The following KDM7A variants were observed in gnomAD, a reference collection of about 807,000 sequenced individuals.
KDM7A encodes the protein lysine demethylase 7A.
In KDM7A, 28 loss-of-function variants were observed where a neutral mutation model predicts 114.8. The observed-to-expected ratio is 0.24, with a 90% confidence interval of 0.18 to 0.33. KDM7A has a LOEUF of 0.33. KDM7A is among the 10% of genes least tolerant of loss of function. KDM7A has a pLI of 1.00. For missense variants in KDM7A, 942 were observed against 1,142.5 expected, an observed-to-expected ratio of 0.82 and a Z score of 2.53; for synonymous variants, 423 against 397.8, an observed-to-expected ratio of 1.06 and a Z score of -0.75.
chr7:140,125,858 C>CT (rs765696132), intron 6 of KDM7A, among the ~76,000 whole-genome samples: 1 of 152,008 alleles, frequency 6.6e-6, no homozygotes, highest in Non-Finnish European at 1.5e-5. Flanking sequence ...GCCTCAGCCT[C>CT]TTGAGTAGCT....
chr7:140,098,957 T>C lies in KDM7A; in HGVS notation c.1840A>G (p.Lys614Glu). ...SENEEDKRRT[K>E]KAKMKIEESS... is the part of the protein sequence containing the mutation. Reference sequence around the variant, plus strand: ...TCTTCTATCTTCATTTTTGCCTTTTTTGTCCTTCTTTTATCCTCTTCATTT... The same window carrying C: ...TCTTCTATCTTCATTTTTGCCTTTTCTGTCCTTCTTTTATCCTCTTCATTT... Residue 614 changes from lysine to glutamate, a missense_variant, in exon 14 of 20, where the codon AAA (lysine) becomes GAA (glutamate). Lys to Glu is a moderately conservative substitution (Grantham distance 56). Around this residue, in one of 4 missense-constraint regions of KDM7A, gnomAD observed 512 missense variants for 576.6 expected, o/e 0.89. Coordinates refer to ENST00000397560, the MANE Select transcript of KDM7A (RefSeq NM_030647.2). 1 of 1,613,828 alleles carries C rather than the reference T, an allele frequency of 6.2e-7. No homozygotes were observed. The highest frequency in any genetic ancestry group is 8.5e-7 in the Non-Finnish European group (1 of 1,179,772).
chr7:140,159,957 A>C (rs1173565395), intron 1 of KDM7A, among the ~76,000 whole-genome samples: 17 of 151,716 alleles, frequency 1.1e-4, no homozygotes, highest in East Asian at 5.8e-4. Flanking sequence ...AAAAAAAAAA[A>C]AAAAAAAACC....
chr7:140,110,790 G>A (rs948353286), intron 11 of KDM7A, among the ~76,000 whole-genome samples: 2 of 151,678 alleles, frequency 1.3e-5, no homozygotes. Context: ...TTCCTCTCTG[G>A]GTAGCTGAAA....
chr7:140,090,733 G>A lies in KDM7A; in HGVS notation c.*361C>T, dbSNP rs1358071345. 4 of 197,098 alleles carry A rather than the reference G, an allele frequency of 2.0e-5. No individual in the cohort carries two copies. The highest frequency in any genetic ancestry group is 4.1e-5 in the Non-Finnish European group (4 of 98,280). The allele number at this position is 197,098 out of a possible 1,614,324, so 12.2% of individuals were successfully genotyped here. A position where few individuals can be genotyped will look rare whatever the true frequency, so the allele number is the denominator to read the frequency against. On this transcript the variant is annotated 3_prime_UTR_variant, in exon 20 of 20. Coordinates refer to ENST00000397560, the MANE Select transcript of KDM7A (RefSeq NM_030647.2). Reference sequence around the variant, plus strand: ...GCTTTAAAAAAAGAATTTAAAAGCTGTTAACTTTAAAAAAAAATCTGTTAA... The same window carrying A: ...GCTTTAAAAAAAGAATTTAAAAGCTATTAACTTTAAAAAAAAATCTGTTAA...
chr7:140,160,897 A>C (rs1329772915), intron 1 of KDM7A, among the ~76,000 whole-genome samples: 2 of 152,296 alleles, frequency 1.3e-5, no homozygotes, highest in East Asian at 3.9e-4. Flanking sequence ...CCCTGAACCA[A>C]ACAGAAGGGA....
chr7:140,097,072 AAAGCTACAT>A (rs1193749277), intron 15 of KDM7A, 25 bp from the exon 16 acceptor site: 8 of 1,583,774 alleles, frequency 5.1e-6, no homozygotes, highest in Non-Finnish European at 6.9e-6. Context: ...ACATGGAAAC[AAAGCTACAT>A]AAGAAATTGA....
At chr7:140,106,606 T>A (rs540646123) in intron 11 of KDM7A, among the ~76,000 whole-genome samples, 50 of 152,308 alleles carry the variant, frequency 3.3e-4, no homozygotes, top group Non-Finnish European at 5.6e-4. Flanking sequence ...TTTGAGTGAG[T>A]TTCTTAATCC....
chr7:140,090,776 C>A lies in KDM7A; in HGVS notation c.*318G>T, dbSNP rs1048586686. 1 of 291,666 alleles carries A rather than the reference C, an allele frequency of 3.4e-6. No homozygotes were observed. Among genetic ancestry groups the A allele is most frequent in the Non-Finnish European group, 6.3e-6 (1 of 159,286 alleles). 18.1% of individuals were successfully genotyped at this position (291,666 alleles called of 1,614,324 possible). ...TCTGTTAAATAAATTATTGATAATT[C>A]TTTACCCTACCACTGAAAATACATC... On this transcript the variant is annotated 3_prime_UTR_variant, in exon 20 of 20. Transcript: ENST00000397560.
At chr7:140,111,212 A>T in intron 10 of KDM7A, 28 bp from the exon 11 acceptor site, 1 of 1,441,728 alleles carries the variant, frequency 6.9e-7, no homozygotes, top group Non-Finnish European at 9.6e-7. Flanking sequence ...AAAATAAGAA[A>T]ACCAAAGTTA....
chr7:140,127,641 C>A, intron 4 of KDM7A, 58 bp from the exon 5 acceptor site: 1 of 1,382,870 alleles, frequency 7.2e-7, no homozygotes, highest in South Asian at 1.2e-5. Flanking sequence ...AGCAGATGCT[C>A]TAATCAAAAA....
At chr7:140,165,828 A>C (rs1655309300) in intron 1 of KDM7A, among the ~76,000 whole-genome samples, 1 of 119,494 alleles carries the variant, frequency 8.4e-6, no homozygotes, top group South Asian at 2.8e-4. Flanking sequence ...GCTTCCTTTA[A>C]GTGAAAAGTA....
chr7:140,100,048 C>T, intron 12 of KDM7A, 25 bp from the exon 13 acceptor site: 1 of 1,613,480 alleles, frequency 6.2e-7, no homozygotes, highest in Non-Finnish European at 8.5e-7. Flanking sequence ...GCAGAACTTA[C>T]TTACCATCCA....
At chr7:140,149,733 C>T (rs1337554452) in intron 1 of KDM7A, among the ~76,000 whole-genome samples, 1 of 152,140 alleles carries the variant, frequency 6.6e-6, no homozygotes, top group Non-Finnish European at 1.5e-5. Context: ...AAATAAATAT[C>T]ATCCCAAAAT....
chr7:140,155,898 AG>A (rs1349765308), intron 1 of KDM7A, among the ~76,000 whole-genome samples: 1 of 152,264 alleles, frequency 6.6e-6, no homozygotes, highest in African/African-American at 2.4e-5. Flanking sequence ...AACTTTTCTG[AG>A]GACAGTTACA....
At chr7:140,104,068 T>C (rs960247371) in intron 11 of KDM7A, among the ~76,000 whole-genome samples, 1 of 152,244 alleles carries the variant, frequency 6.6e-6, no homozygotes, top group African/African-American at 2.4e-5. Flanking sequence ...CCAGTGATGA[T>C]GAGCATTTTT....
At chr7:140,129,230 G>T (rs1396113140) in intron 4 of KDM7A, among the ~76,000 whole-genome samples, 4 of 152,110 alleles carry the variant, frequency 2.6e-5, no homozygotes, top group Non-Finnish European at 4.4e-5. Context: ...TTTTCCCTAA[G>T]CAAGTATCAG....
chr7:140,141,224 A>C (rs550359545), intron 1 of KDM7A, among the ~76,000 whole-genome samples: 2 of 152,336 alleles, frequency 1.3e-5, no homozygotes, highest in Non-Finnish European at 2.9e-5. Flanking sequence ...AATTCTCCTC[A>C]AAGTGATTTA....
intron 1 of KDM7A, among the ~76,000 whole-genome samples, chr7:140,146,853 A>G (rs905870883): frequency 6.6e-6 from 1 of 152,152 alleles, no homozygotes; most frequent in Non-Finnish European, 1.5e-5. Context: ...ACTAACCGAA[A>G]TTCCCTAGGA....
At position 140,111,122 on chromosome 7, in the gene KDM7A, T is replaced by C; in HGVS notation, c.1401A>G (p.Glu467=). The part of the protein sequence containing the change: ...DNVRPGHLIK[E]LSKVIRAIEE... Reference sequence around the variant, plus strand: ...CTATTGCTCGAATTACTTTAGAAAGTTCTTTAATAAGGTGTCCAGGTCTAA... The same window carrying C: ...CTATTGCTCGAATTACTTTAGAAAGCTCTTTAATAAGGTGTCCAGGTCTAA... The change falls in exon 11 of 20, where the codon GAA becomes GAG. Residue 467 remains glutamate (E), a synonymous_variant. Transcript: ENST00000397560. 2 of 1,602,212 alleles carry C rather than the reference T, an allele frequency of 1.2e-6. No homozygotes were observed. Among genetic ancestry groups the C allele is most frequent in the Non-Finnish European group, 1.7e-6 (2 of 1,170,394 alleles).
Sources: gnomAD v4.1 joint callset for allele counts (sites outside exome capture counted in the v4.1 genomes callset) on GRCh38, gnomAD v4.1.1 for gene constraint, gnomAD v4.1.1 regional missense constraint, MANE v1.5 for transcripts, NCBI Gene and HGNC (gene_info 2026-07-23, HGNC 2026-07-21) for gene names.